The following MC2R variants were observed in gnomAD, a reference collection of about 807,000 sequenced individuals.
The protein encoded by MC2R is melanocortin 2 receptor.
A neutral mutation model predicts 9.8 loss-of-function variants in MC2R; 9 were observed. That is an observed-to-expected ratio of 0.92 (90% CI 0.55 to 1.60). The LOEUF (loss-of-function observed/expected upper bound fraction) is 1.60. Ranked by LOEUF, MC2R falls within the 40% of genes most tolerant of loss-of-function variation. MC2R has a pLI of 0.00. For missense variants in MC2R, 370 were observed against 389.0 expected, an observed-to-expected ratio of 0.95 and a Z score of 0.41; for synonymous variants, 185 against 154.7, an observed-to-expected ratio of 1.20 and a Z score of -1.45.
chr18:13,894,919 A>G (rs2045337552), intron 1 of MC2R, among the ~76,000 whole-genome samples: 2 of 152,256 alleles, frequency 1.3e-5, no homozygotes, highest in Admixed American at 1.3e-4. Flanking sequence ...GTGCCATCAC[A>G]ACACCACAGC....
intron 1 of MC2R, among the ~76,000 whole-genome samples, chr18:13,898,224 G>T (rs1181423653): frequency 6.6e-6 from 1 of 152,178 alleles, no homozygotes. Context: ...GGAAACATCG[G>T]TGGTAGGCTG....
In MC2R at chr18:13,884,550, T is replaced by G; in HGVS notation, c.*75A>C. On this transcript the variant is annotated 3_prime_UTR_variant, in exon 2 of 2. Transcript: ENST00000327606. ...GGAAGGCCAGTGAGGAGCACTGGCA[T>G]TTGTTGGAATGTTACACTATTCTGG... The G allele has an allele frequency of 6.7e-7, 1 of 1,503,530 alleles. No individual in the cohort carries two copies. The highest frequency in any genetic ancestry group is 9.2e-7 in the Non-Finnish European group (1 of 1,091,820). The allele number at this position is 1,503,530 out of a possible 1,614,324, so 93.1% of individuals were successfully genotyped here. A position where few individuals can be genotyped will look rare whatever the true frequency, so the allele number is the denominator to read the frequency against.
chr18:13,892,972 G>T (rs965324513), intron 1 of MC2R, among the ~76,000 whole-genome samples: 4 of 152,208 alleles, frequency 2.6e-5, no homozygotes, highest in Non-Finnish European at 5.9e-5. Flanking sequence ...GATTACAGGC[G>T]TGAGTCACTA....
chr18:13,915,391 T>A (rs1476547790), intron 1 of MC2R, 97 bp downstream of exon 1: 1 of 152,596 alleles, frequency 6.6e-6, no homozygotes, highest in African/African-American at 2.4e-5. Flanking sequence ...TTTGGAGGAA[T>A]TCTGAATAGT....
At chr18:13,891,814 C>G (rs1205263060) in intron 1 of MC2R, among the ~76,000 whole-genome samples, 2 of 152,162 alleles carry the variant, frequency 1.3e-5, no homozygotes. Flanking sequence ...CCCATCCCAC[C>G]TCAACATTTG....
intron 1 of MC2R, among the ~76,000 whole-genome samples, chr18:13,914,486 G>A (rs1339814139): frequency 6.6e-6 from 1 of 152,206 alleles, no homozygotes; most frequent in African/African-American, 2.4e-5. Context: ...CTCCCACTCC[G>A]GGGATGGGGT....
At chr18:13,894,454 TG>T (rs1457488175) in intron 1 of MC2R, among the ~76,000 whole-genome samples, 1 of 152,208 alleles carries the variant, frequency 6.6e-6, no homozygotes, top group Non-Finnish European at 1.5e-5. Flanking sequence ...TTCACGTACA[TG>T]TAAATAAATG....
At chr18:13,902,804 C>T (rs550947619) in intron 1 of MC2R, among the ~76,000 whole-genome samples, 13 of 152,172 alleles carry the variant, frequency 8.5e-5, no homozygotes, top group East Asian at 7.7e-4. Flanking sequence ...GAGTAATACC[C>T]GACAAGCACA....
At chr18:13,912,455 A>G (rs2045450013) in intron 1 of MC2R, among the ~76,000 whole-genome samples, 1 of 152,240 alleles carries the variant, frequency 6.6e-6, no homozygotes, top group African/African-American at 2.4e-5. Flanking sequence ...TAGCTCTGAA[A>G]CAGGTATGGG....
chr18:13,897,631 G>A (rs575627344), intron 1 of MC2R, among the ~76,000 whole-genome samples: 38 of 152,158 alleles, frequency 2.5e-4, no homozygotes, highest in African/African-American at 9.2e-4. Context: ...GAGGAGAGGA[G>A]AAGAGAAGGA....
At position 13,884,303 on chromosome 18, in the gene MC2R, T is replaced by G; in HGVS notation, c.*322A>C. On this transcript the variant is annotated 3_prime_UTR_variant, in exon 2 of 2. Coordinates refer to ENST00000327606, the MANE Select transcript of MC2R (RefSeq NM_000529.2). ...AATTTTTATTGCTGTTTTACTAGATTGGTGCAAAAGTAATTGCAATTTTTG... is the reference window on the plus strand; with the variant it reads ...AATTTTTATTGCTGTTTTACTAGATGGGTGCAAAAGTAATTGCAATTTTTG... 1 of 388,634 alleles carries G rather than the reference T, an allele frequency of 2.6e-6. No individual in the cohort carries two copies. Among genetic ancestry groups the G allele is most frequent in the East Asian group, 5.8e-5 (1 of 17,380 alleles). The allele number at this position is 388,634 out of a possible 1,614,324, so 24.1% of individuals were successfully genotyped here.
At chr18:13,885,806 T>C (rs1469026766) in intron 1 of MC2R, among the ~76,000 whole-genome samples, 160 bp from the exon 2 acceptor site, 1 of 152,102 alleles carries the variant, frequency 6.6e-6, no homozygotes, top group Non-Finnish European at 1.5e-5. Flanking sequence ...CTAGTGACAA[T>C]AGCAAAGATA....
At chr18:13,908,035 A>G (rs1420739652) in intron 1 of MC2R, among the ~76,000 whole-genome samples, 1 of 152,144 alleles carries the variant, frequency 6.6e-6, no homozygotes, top group Admixed American at 6.5e-5. Flanking sequence ...CTGGGTATAT[A>G]TTGAAAAGAA....
rs1381529710 is a variant in MC2R at position 13,884,810 on chromosome 18, G to A, written c.709C>T (p.Leu237Phe). The change falls in exon 2 of 2, where the codon CTT (leucine) becomes TTT (phenylalanine). Residue 237 changes from leucine to phenylalanine, a missense_variant. Physicochemically the swap from Leu to Phe is conservative, Grantham distance 22. Transcript: ENST00000327606. Reference sequence around the variant, plus strand: ...CAGAATGTCATCAAGAGGACATGAAGCACAAAGGGGGCCCAGCAGAAGATG... The same window carrying A: ...CAGAATGTCATCAAGAGGACATGAAACACAAAGGGGGCCCAGCAGAAGATG... ...VFIFCWAPFV[L>F]HVLLMTFCPS... is the part of the protein sequence containing the mutation. 3.1e-6 allele frequency: 5 copies of A among 1,613,998 alleles called. No individual in the cohort carries two copies. The highest frequency in any genetic ancestry group is 4.2e-6 in the Non-Finnish European group (5 of 1,180,010).
At chr18:13,885,842 T>C (rs758155959) in intron 1 of MC2R, among the ~76,000 whole-genome samples, 196 bp from the exon 2 acceptor site, 4 of 152,160 alleles carry the variant, frequency 2.6e-5, no homozygotes, top group Non-Finnish European at 5.9e-5. Flanking sequence ...TGTTCATCAA[T>C]GGGTGAATGG....
At chr18:13,894,374 G>A (rs567141589) in intron 1 of MC2R, among the ~76,000 whole-genome samples, 1 of 152,056 alleles carries the variant, frequency 6.6e-6, no homozygotes, top group Non-Finnish European at 1.5e-5. Context: ...TTTTGCTTTG[G>A]TCTAAGAGAA....
intron 1 of MC2R, among the ~76,000 whole-genome samples, chr18:13,898,027 AG>A (rs2045356913): frequency 6.6e-6 from 1 of 151,964 alleles, no homozygotes; most frequent in Non-Finnish European, 1.5e-5. Context: ...CTTGCACCTT[AG>A]GTACCAGCAT....
At chr18:13,907,756 T>C (rs2045421762) in intron 1 of MC2R, among the ~76,000 whole-genome samples, 2 of 152,112 alleles carry the variant, frequency 1.3e-5, no homozygotes, top group South Asian at 4.1e-4. Flanking sequence ...GACATACAAA[T>C]GGCCAAACAG....
chr18:13,896,802 T>A (rs556961389), intron 1 of MC2R, among the ~76,000 whole-genome samples: 20 of 152,342 alleles, frequency 1.3e-4, no homozygotes, highest in African/African-American at 4.3e-4. Flanking sequence ...TGATATTCAC[T>A]GACCTGTTAT....
Sources: gnomAD v4.1 joint callset for allele counts (sites outside exome capture counted in the v4.1 genomes callset) on GRCh38, gnomAD v4.1.1 for gene constraint, MANE v1.5 for transcripts, NCBI Gene and HGNC (gene_info 2026-07-23, HGNC 2026-07-21) for gene names.